PMFBP1: variants seen among roughly 807,000 people sequenced by gnomAD.
PMFBP1 encodes the protein polyamine-modulated factor 1-binding protein 1.
In PMFBP1, 131 loss-of-function variants were observed where a neutral mutation model predicts 137.8. The observed-to-expected ratio is 0.95, with a 90% CI of 0.82 to 1.10. PMFBP1 has a LOEUF of 1.10. Ranked by LOEUF, PMFBP1 falls within the 50% of genes least tolerant of loss-of-function variation. The pLI is 0.00. For missense variants in PMFBP1, 1,199 were observed against 1,175.4 expected, an observed-to-expected ratio of 1.02 and a Z score of -0.29; for synonymous variants, 490 against 450.4, an observed-to-expected ratio of 1.09 and a Z score of -1.11.
intron 4 of PMFBP1, 34 bp downstream of exon 4, chr16:72,154,177 A>G: frequency 1.2e-6 from 2 of 1,604,546 alleles, no homozygotes; most frequent in Non-Finnish European, 1.7e-6. Context: ...GTACCTAAGA[A>G]TGTGGGTTAT....
At chr16:72,205,687 T>C in the PMFBP1 span, among the ~76,000 whole-genome samples, 1 of 152,052 alleles carries the variant, frequency 6.6e-6, no homozygotes, top group South Asian at 2.1e-4. Flanking sequence ...TTTCATGAGG[T>C]TCCTAGAGCA....
the PMFBP1 span, among the ~76,000 whole-genome samples, chr16:72,231,591 A>C: frequency 2.6e-5 from 4 of 152,188 alleles, no homozygotes; most frequent in Non-Finnish European, 5.9e-5. Flanking sequence ...GTGTGAGCTA[A>C]AGATCAGTTT....
At chr16:72,233,202 A>G in the PMFBP1 span, among the ~76,000 whole-genome samples, 2 of 152,126 alleles carry the variant, frequency 1.3e-5, no homozygotes, top group Non-Finnish European at 2.9e-5. Flanking sequence ...CCTTCCACCA[A>G]AAATTATATG....
intron 15 of PMFBP1, among the ~76,000 whole-genome samples, 183 bp downstream of exon 15, chr16:72,125,785 C>A (rs768492026): frequency 6.6e-6 from 1 of 152,228 alleles, no homozygotes; most frequent in Non-Finnish European, 1.5e-5. Flanking sequence ...CCGCCCTCCA[C>A]CCAACTCCAA....
At chr16:72,171,378 T>C in intron 1 of PMFBP1, 110 bp from the exon 2 acceptor site, 1 of 686,814 alleles carries the variant, frequency 1.5e-6, no homozygotes, top group Middle Eastern at 4.2e-4. Flanking sequence ...AAAATTTTCC[T>C]GAACTGTTAG....
intron 3 of PMFBP1, among the ~76,000 whole-genome samples, chr16:72,158,616 T>C (rs181879851): frequency 6.6e-6 from 1 of 152,092 alleles, no homozygotes; most frequent in East Asian, 1.9e-4. Flanking sequence ...AATAAGTACT[T>C]AACGTGGACA....
At chr16:72,225,714 TA>T in the PMFBP1 span, among the ~76,000 whole-genome samples, 19,607 of 143,124 alleles carry the variant, frequency 0.14, 1,812 homozygotes, top group South Asian at 0.19. Flanking sequence ...CTGTTTATAA[TA>T]ATAATAATAA....
chr16:72,205,818 C>A, the PMFBP1 span, among the ~76,000 whole-genome samples: 1 of 152,124 alleles, frequency 6.6e-6, no homozygotes, highest in Non-Finnish European at 1.5e-5. Context: ...CAGCCCTGCC[C>A]ATCACCCTTG....
In PMFBP1 at chr16:72,125,234, T is replaced by A. The variant is rs764164102; in HGVS notation, c.2421+4A>T. On this transcript the variant is annotated splice_donor_region_variant and intron_variant, in intron 16 of 20. Transcript: ENST00000237353. Reference sequence around the variant, plus strand: ...GGCAGCCCAAGCCCCTGGCAGCTCCTCACCTCCAGCTCACTCTCCTGGTGG... The same window carrying A: ...GGCAGCCCAAGCCCCTGGCAGCTCCACACCTCCAGCTCACTCTCCTGGTGG... The A allele has an allele frequency of 1.2e-6, 2 of 1,611,586 alleles. No individual in the cohort carries two copies. The highest frequency in any genetic ancestry group is 1.7e-6 in the Non-Finnish European group (2 of 1,179,270).
At chr16:72,241,691 G>T in the PMFBP1 span, among the ~76,000 whole-genome samples, 2 of 152,176 alleles carry the variant, frequency 1.3e-5, no homozygotes, top group Non-Finnish European at 2.9e-5. Context: ...CCCTTCGCTT[G>T]TGTTGCTTTA....
chr16:72,248,448 T>C, the PMFBP1 span, among the ~76,000 whole-genome samples: 2 of 152,218 alleles, frequency 1.3e-5, no homozygotes, highest in Admixed American at 1.3e-4. Context: ...CCAGAGAATG[T>C]GACTGAATCA....
chr16:72,183,957 G>T, the PMFBP1 span, among the ~76,000 whole-genome samples: 10 of 152,090 alleles, frequency 6.6e-5, no homozygotes, highest in Non-Finnish European at 1.3e-4. Context: ...ACTCCAGGGG[G>T]CCCTTTTTGG....
chr16:72,161,902 T>C (rs1339317971), intron 3 of PMFBP1, among the ~76,000 whole-genome samples: 1 of 152,186 alleles, frequency 6.6e-6, no homozygotes. Context: ...CTTTACATCT[T>C]CAACAAATTA....
At chr16:72,218,050 T>G in the PMFBP1 span, among the ~76,000 whole-genome samples, 1 of 152,220 alleles carries the variant, frequency 6.6e-6, no homozygotes, top group Non-Finnish European at 1.5e-5. Flanking sequence ...AGTGGCTGTT[T>G]GAACAAGATC....
At chr16:72,166,431 T>C (rs2043145544) in intron 2 of PMFBP1, among the ~76,000 whole-genome samples, 1 of 152,204 alleles carries the variant, frequency 6.6e-6, no homozygotes, top group Non-Finnish European at 1.5e-5. Flanking sequence ...CAGTTAAACC[T>C]CTTTTCCTGA....
At position 72,120,092 on chromosome 16, in the gene PMFBP1, G is replaced by C. The variant is rs1367141094; in HGVS notation, c.2769-3C>G. ...GGACCATTACACTGTGGAGGTGGCT[G>C]TGGGAAGGAGAGGAAGGACGGGTTG... On this transcript the variant is annotated splice_region_variant and splice_polypyrimidine_tract_variant and intron_variant, in intron 19 of 20. Coordinates refer to ENST00000237353, the MANE Select transcript of PMFBP1 (RefSeq NM_031293.3). 1 of 1,614,204 alleles carries C rather than the reference G, an allele frequency of 6.2e-7. No individual in the cohort carries two copies. The highest frequency in any genetic ancestry group is 8.5e-7 in the Non-Finnish European group (1 of 1,180,044).
chr16:72,176,397 A>T (rs2043259627), upstream of PMFBP1, among the ~76,000 whole-genome samples: 1 of 152,150 alleles, frequency 6.6e-6, no homozygotes, highest in African/African-American at 2.4e-5. Flanking sequence ...TTAGTAACAG[A>T]TGCTCATTTT....
At chr16:72,222,665 G>T in the PMFBP1 span, among the ~76,000 whole-genome samples, 3 of 152,178 alleles carry the variant, frequency 2.0e-5, no homozygotes, top group African/African-American at 4.8e-5. Flanking sequence ...CCACTTACCA[G>T]CTATGAGATG....
At chr16:72,146,473 G>T (rs1261357611) in intron 5 of PMFBP1, among the ~76,000 whole-genome samples, 1 of 152,146 alleles carries the variant, frequency 6.6e-6, no homozygotes, top group East Asian at 1.9e-4. Flanking sequence ...ACAAGACAAG[G>T]ATGCCCTCTC....
Sources: gnomAD v4.1 joint callset for allele counts (sites outside exome capture counted in the v4.1 genomes callset) on GRCh38, gnomAD v4.1.1 for gene constraint, MANE v1.5 for transcripts, NCBI Gene and HGNC (gene_info 2026-07-23, HGNC 2026-07-21) for gene names.